The following PRR16 variants were observed in gnomAD, a reference collection of about 807,000 sequenced individuals.
The protein encoded by PRR16 is proline rich 16, also known as protein Largen.
Under a neutral mutation model 18.2 loss-of-function variants are expected in PRR16, and 6 were observed. The ratio of observed to expected loss-of-function variants is 0.33; its 90% CI spans 0.18 to 0.65. PRR16 has a LOEUF of 0.65. PRR16 is among the 30% of genes least tolerant of loss of function. PRR16 has a pLI of 0.74. For missense variants in PRR16, 412 were observed against 376.6 expected (o/e 1.09, Z -0.78); for synonymous variants, 151 against 147.8 (o/e 1.02, Z -0.16).
intron 1 of PRR16, among the ~76,000 whole-genome samples, chr5:120,535,549 C>T (rs1382673598): frequency 1.3e-5 from 2 of 152,152 alleles, no homozygotes; most frequent in East Asian, 3.9e-4. Flanking sequence ...CCTGCAATCC[C>T]AGCACTTTGG....
chr5:120,570,322 G>T (rs1752866525), intron 1 of PRR16, among the ~76,000 whole-genome samples: 1 of 152,076 alleles, frequency 6.6e-6, no homozygotes, highest in Non-Finnish European at 1.5e-5. Flanking sequence ...GGCTGAAAAT[G>T]AGAATGAAGG....
the PRR16 span, among the ~76,000 whole-genome samples, chr5:120,754,498 T>TA: frequency 1.5e-3 from 92 of 61,240 alleles, 1 homozygote; most frequent in South Asian, 3.6e-3. Context: ...TAGTATGTAT[T>TA]TTATTATGTA....
At chr5:120,530,874 T>C (rs917164516) in intron 1 of PRR16, among the ~76,000 whole-genome samples, 1 of 152,136 alleles carries the variant, frequency 6.6e-6, no homozygotes, top group African/African-American at 2.4e-5. Context: ...GCTACCAAAA[T>C]AGTAGAAGGA....
the PRR16 span, among the ~76,000 whole-genome samples, chr5:120,774,056 GTTTTAT>G: frequency 5.3e-4 from 63 of 119,066 alleles, 1 homozygote; most frequent in Non-Finnish European, 7.6e-4. Flanking sequence ...CTTTTATAAT[GTTTTAT>G]TTTTGAGTTG....
At chr5:120,565,825 C>T (rs976895561) in intron 1 of PRR16, among the ~76,000 whole-genome samples, 3 of 152,174 alleles carry the variant, frequency 2.0e-5, no homozygotes, top group African/African-American at 7.2e-5. Context: ...ATTGGACTTA[C>T]TATAATTGCA....
intron 1 of PRR16, among the ~76,000 whole-genome samples, chr5:120,590,885 G>A (rs988650341): frequency 6.6e-6 from 1 of 152,106 alleles, no homozygotes; most frequent in African/African-American, 2.4e-5. Flanking sequence ...CACAGTTCTG[G>A]TATAGAGTAG....
chr5:120,466,249 T>G (rs868859446), intron 1 of PRR16, among the ~76,000 whole-genome samples: 1 of 152,198 alleles, frequency 6.6e-6, no homozygotes, highest in Non-Finnish European at 1.5e-5. Flanking sequence ...TTGTTATTCT[T>G]TTATATGACA....
At chr5:120,525,603 A>G (rs1751319930) in intron 1 of PRR16, among the ~76,000 whole-genome samples, 1 of 151,408 alleles carries the variant, frequency 6.6e-6, no homozygotes, top group South Asian at 2.1e-4. Context: ...TAGCAACATC[A>G]ATATTGCTTT....
chr5:120,502,452 G>C (rs909807632), intron 1 of PRR16, among the ~76,000 whole-genome samples: 1 of 151,370 alleles, frequency 6.6e-6, no homozygotes, highest in Admixed American at 6.6e-5. Context: ...TTTTCTTACT[G>C]TCTTTGTTAC....
the PRR16 span, among the ~76,000 whole-genome samples, chr5:120,719,352 A>G: frequency 6.6e-6 from 1 of 152,088 alleles, no homozygotes; most frequent in African/African-American, 2.4e-5. Context: ...GATAAATTGT[A>G]GAAAATATTT....
At chr5:120,651,259 G>T (rs188056503) in intron 1 of PRR16, among the ~76,000 whole-genome samples, 9,050 of 152,034 alleles carry the variant, frequency 0.06, 320 homozygotes, top group South Asian at 0.082. Context: ...TTGCGAAAAT[G>T]TTCTCCCATT....
At chr5:120,585,309 G>C (rs890248948) in intron 1 of PRR16, among the ~76,000 whole-genome samples, 34 of 152,060 alleles carry the variant, frequency 2.2e-4, no homozygotes, top group African/African-American at 8.2e-4. Context: ...TTTCTGTTTG[G>C]TTTAGAATTA....
At chr5:120,694,059 A>T in the PRR16 span, among the ~76,000 whole-genome samples, 1 of 152,190 alleles carries the variant, frequency 6.6e-6, no homozygotes, top group South Asian at 2.1e-4. Context: ...ACCTGCCAAC[A>T]TGTTGTTATG....
At chr5:120,655,934 A>T (rs1755959525) in intron 1 of PRR16, among the ~76,000 whole-genome samples, 1 of 151,844 alleles carries the variant, frequency 6.6e-6, no homozygotes, top group Non-Finnish European at 1.5e-5. Context: ...AGATCCCTTG[A>T]ATCACTATCA....
At chr5:120,521,019 G>A (rs891794121) in intron 1 of PRR16, among the ~76,000 whole-genome samples, 5 of 152,100 alleles carry the variant, frequency 3.3e-5, no homozygotes, top group Non-Finnish European at 5.9e-5. Context: ...GTAAAGCAGA[G>A]GGATAATTTG....
chr5:120,479,101 T>A (rs1219134351), intron 1 of PRR16, among the ~76,000 whole-genome samples: 1 of 152,162 alleles, frequency 6.6e-6, no homozygotes, highest in Non-Finnish European at 1.5e-5. Context: ...TGGGTACTTA[T>A]AATCAGCCTA....
intron 1 of PRR16, among the ~76,000 whole-genome samples, chr5:120,497,334 G>C (rs575194946): frequency 7.4e-6 from 1 of 135,110 alleles, no homozygotes; most frequent in African/African-American, 2.8e-5. Flanking sequence ...TTTTTTTCTC[G>C]TTTTCCTTTT....
At chr5:120,742,915 T>C in the PRR16 span, among the ~76,000 whole-genome samples, 2 of 152,172 alleles carry the variant, frequency 1.3e-5, no homozygotes, top group Non-Finnish European at 2.9e-5. Flanking sequence ...CAGCCATCAG[T>C]GCACCACTCC....
At chr5:120,631,559 G>A (rs1755055360) in intron 1 of PRR16, among the ~76,000 whole-genome samples, 1 of 152,080 alleles carries the variant, frequency 6.6e-6, no homozygotes, top group Non-Finnish European at 1.5e-5. Context: ...GTGACTGCTG[G>A]CATTTCCCCA....
Sources: allele counts gnomAD v4.1 joint callset (sites outside exome capture counted in the v4.1 genomes callset), GRCh38; gene constraint gnomAD v4.1.1; transcripts MANE v1.5; gene names NCBI Gene and HGNC (gene_info 2026-07-23, HGNC 2026-07-21).